THSD4: variants seen among roughly 807,000 people sequenced by gnomAD.
The protein encoded by THSD4 is thrombospondin type 1 domain containing 4.
Under a neutral mutation model 119.0 loss-of-function variants are expected in THSD4, and 69 were observed. That is an observed-to-expected ratio of 0.58 (90% CI 0.48 to 0.71). THSD4 has a LOEUF of 0.71. Ranked by LOEUF, THSD4 falls within the 30% of genes least tolerant of loss-of-function variation. The pLI, the probability that THSD4 is intolerant of heterozygous loss-of-function variation, is 0.00. For synonymous variants in THSD4, 524 were observed against 540.4 expected (o/e 0.97, Z 0.42); for missense variants, 1,393 against 1,391.1 (o/e 1.00, Z -0.02).
chr15:71,141,024 A>G (rs543980256), intron 1 of THSD4, among the ~76,000 whole-genome samples: 1 of 152,376 alleles, frequency 6.6e-6, no homozygotes, highest in South Asian at 2.1e-4. Context: ...TGTAGCGTGT[A>G]TGAGTACTTT....
chr15:71,364,284 G>C (rs2045929001), intron 6 of THSD4, among the ~76,000 whole-genome samples: 1 of 152,194 alleles, frequency 6.6e-6, no homozygotes, highest in Non-Finnish European at 1.5e-5. Flanking sequence ...GGCAAGTCTG[G>C]ACAAGTTTGC....
At chr15:71,727,553 A>AAAAAAAATAC (rs2052875274) in intron 8 of THSD4, among the ~76,000 whole-genome samples, 4 of 122,792 alleles carry the variant, frequency 3.3e-5, no homozygotes, top group African/African-American at 1.5e-4. Flanking sequence ...AAAAAAAAAA[A>AAAAAAAATAC]ATATATATAT....
intron 15 of THSD4, among the ~76,000 whole-genome samples, chr15:71,764,508 G>T (rs1418946019): frequency 6.6e-6 from 1 of 152,244 alleles, no homozygotes; most frequent in Non-Finnish European, 1.5e-5. Flanking sequence ...GGAAGGGGAG[G>T]GTTGACCATA....
chr15:71,358,309 A>G (rs1473629576), intron 6 of THSD4, among the ~76,000 whole-genome samples: 1 of 152,170 alleles, frequency 6.6e-6, no homozygotes, highest in Non-Finnish European at 1.5e-5. Context: ...GGTTTCCCAT[A>G]TGGCAAAACC....
At chr15:71,537,724 T>C (rs1254879340) in intron 7 of THSD4, among the ~76,000 whole-genome samples, 3 of 152,166 alleles carry the variant, frequency 2.0e-5, no homozygotes. Context: ...AAATACATTC[T>C]CTACTGTGTA....
chr15:71,236,031 G>T (rs952832249), intron 4 of THSD4, among the ~76,000 whole-genome samples: 1 of 152,122 alleles, frequency 6.6e-6, no homozygotes. Context: ...GGGTTCTCGG[G>T]CTCCACTCCT....
chr15:71,112,361 G>A (rs1596203208), upstream of THSD4: 2 of 927,490 alleles, frequency 2.2e-6, no homozygotes, highest in Non-Finnish European at 3.1e-6. Flanking sequence ...GACAACAGGT[G>A]TAAGCTAGAG....
At chr15:71,260,752 G>C (rs2044385315) in intron 6 of THSD4, among the ~76,000 whole-genome samples, 1 of 152,096 alleles carries the variant, frequency 6.6e-6, no homozygotes, top group Non-Finnish European at 1.5e-5. Context: ...CATACTGGGA[G>C]GGACTCTCTC....
intron 3 of THSD4, among the ~76,000 whole-genome samples, chr15:71,195,053 A>G (rs1349719045): frequency 6.6e-6 from 1 of 152,174 alleles, no homozygotes; most frequent in African/African-American, 2.4e-5. Context: ...CTGTTTTTCC[A>G]AATCAGTGAA....
chr15:71,395,235 G>T lies in THSD4; in HGVS notation c.1016-16452G>T, dbSNP rs114272500. 5.6e-3 allele frequency among the ~76,000 whole-genome samples: 848 copies of T among 152,238 alleles called. 9 individuals are homozygous for T. Among genetic ancestry groups the T allele is most frequent in the African/African-American group, 0.019 (809 of 41,542 alleles). ...ACATGTTGAAAGTCACTTGTTAGTG[G>T]GTTTTATTAAACCCCAAAACGGGGA... On this transcript the variant is annotated intron_variant, in intron 6 of 17. Coordinates refer to ENST00000261862, the MANE Select transcript of THSD4 (RefSeq NM_024817.3).
At chr15:71,595,147 C>G (rs2049884324) in intron 7 of THSD4, among the ~76,000 whole-genome samples, 1 of 152,190 alleles carries the variant, frequency 6.6e-6, no homozygotes, top group African/African-American at 2.4e-5. Flanking sequence ...ATTGGAAGCT[C>G]TCTTCTATAC....
At chr15:71,760,812 G>A (rs2053616110) in intron 15 of THSD4, among the ~76,000 whole-genome samples, 1 of 152,156 alleles carries the variant, frequency 6.6e-6, no homozygotes, top group South Asian at 2.1e-4. Context: ...CTCACTGAAA[G>A]CATTTATCCC....
At chr15:71,560,997 T>G (rs2049106292) in intron 7 of THSD4, among the ~76,000 whole-genome samples, 1 of 139,764 alleles carries the variant, frequency 7.2e-6, no homozygotes. Context: ...TTTTTTGAGA[T>G]GGAGTCTCGC....
chr15:71,576,659 G>A (rs1258922368), intron 7 of THSD4, among the ~76,000 whole-genome samples: 3 of 152,164 alleles, frequency 2.0e-5, no homozygotes, highest in African/African-American at 4.8e-5. Context: ...TCTGCCTCCT[G>A]AATTCAAGTG....
chr15:71,655,309 T>C (rs184030400), intron 7 of THSD4, among the ~76,000 whole-genome samples: 2 of 152,328 alleles, frequency 1.3e-5, no homozygotes, highest in Admixed American at 6.5e-5. Context: ...TGAGGTGTCT[T>C]GACTTTATGG....
At chr15:71,595,134 G>C (rs1182516526) in intron 7 of THSD4, among the ~76,000 whole-genome samples, 1 of 152,180 alleles carries the variant, frequency 6.6e-6, no homozygotes, top group East Asian at 1.9e-4. Context: ...TAATCAGATT[G>C]GGATTGGAAG....
chr15:71,514,364 C>T, intron 7 of THSD4, among the ~76,000 whole-genome samples: 1 of 152,176 alleles, frequency 6.6e-6, no homozygotes, highest in East Asian at 1.9e-4. Flanking sequence ...GAGAGAGAAG[C>T]ATCATCATCC....
intron 7 of THSD4, among the ~76,000 whole-genome samples, chr15:71,651,992 C>G (rs1308930293): frequency 6.6e-6 from 1 of 152,296 alleles, no homozygotes; most frequent in South Asian, 2.1e-4. Flanking sequence ...CCCGTGAGAG[C>G]CTTCTGGGGA....
intron 6 of THSD4, among the ~76,000 whole-genome samples, chr15:71,397,587 A>G (rs543439827): frequency 6.6e-6 from 1 of 152,236 alleles, no homozygotes; most frequent in Non-Finnish European, 1.5e-5. Context: ...TGCTTCATAC[A>G]TGGCACCATG....
Sources: allele counts gnomAD v4.1 joint callset (sites outside exome capture counted in the v4.1 genomes callset), GRCh38; gene constraint gnomAD v4.1.1; transcripts MANE v1.5; gene names NCBI Gene and HGNC (gene_info 2026-07-23, HGNC 2026-07-21).